Variants in OPCML observed in about 807,000 individuals in gnomAD.
The protein encoded by OPCML is opioid binding protein/cell adhesion molecule like.
OPCML carries 13 observed loss-of-function variants against 37.8 expected under a neutral mutation model. The ratio of observed to expected loss-of-function variants is 0.34; its 90% CI spans 0.22 to 0.55. The LOEUF is 0.55. OPCML is among the 20% of genes least tolerant of loss of function. The pLI is 0.91. For missense variants in OPCML, 341 were observed against 435.6 expected (o/e 0.78, Z 1.93); for synonymous variants, 176 against 168.8 (o/e 1.04, Z -0.33).
chr11:132,525,098 G>T (rs562569382), intron 4 of OPCML, among the ~76,000 whole-genome samples: 1 of 152,164 alleles, frequency 6.6e-6, no homozygotes, highest in Middle Eastern at 3.4e-3. Context: ...GGTAGAGATC[G>T]CATTTCTGTA....
rs369774144 is a variant in OPCML at position 132,437,313 on chromosome 11, G to A, written c.552C>T (p.Asp184=). Residue 184 remains aspartate (D), a synonymous_variant, in exon 5 of 8, where the codon GAC becomes GAT. Transcript: ENST00000524381. The stretch of plus-strand genomic sequence containing the variant: ...ACTCCCCGGACTGGTCTCGCTTGAT[G>A]TCAGAGATCTCCAGGTACTCATCCT... The part of the protein sequence containing the change: ...VSEDEYLEIS[D]IKRDQSGEYE... 12 of 1,614,106 alleles carry A rather than the reference G, an allele frequency of 7.4e-6. No homozygotes were observed. The African/African-American group carries it at 1.3e-4, about 18-fold the overall frequency.
chr11:133,081,008 T>C (rs1480925166), intron 1 of OPCML, among the ~76,000 whole-genome samples: 1 of 152,048 alleles, frequency 6.6e-6, no homozygotes, highest in African/African-American at 2.4e-5. Context: ...TAGCTTTTGG[T>C]GAGAGGACCA....
At chr11:133,457,809 T>C (rs1376216764) in intron 1 of OPCML, among the ~76,000 whole-genome samples, 3 of 151,864 alleles carry the variant, frequency 2.0e-5, no homozygotes, top group Non-Finnish European at 4.4e-5. Context: ...TGCTAACGAG[T>C]ATCCTTTAAG....
intron 1 of OPCML, among the ~76,000 whole-genome samples, chr11:133,451,013 CAT>C (rs1946570776): frequency 1.3e-5 from 2 of 151,712 alleles, no homozygotes; most frequent in African/African-American, 2.4e-5. Flanking sequence ...GTAATCAACA[CAT>C]ATGTTATATA....
chr11:132,947,714 T>C (rs183288035), intron 1 of OPCML, among the ~76,000 whole-genome samples: 169 of 152,338 alleles, frequency 1.1e-3, no homozygotes, highest in African/African-American at 4.0e-3. Flanking sequence ...TTCTAGGAAA[T>C]GCTTGGCTGA....
At chr11:132,778,597 A>G (rs1946886096) in intron 2 of OPCML, among the ~76,000 whole-genome samples, 1 of 152,136 alleles carries the variant, frequency 6.6e-6, no homozygotes, top group Non-Finnish European at 1.5e-5. Context: ...TCTAGTAATT[A>G]TATTCTTGTT....
chr11:132,466,706 G>A (rs2096121214), intron 4 of OPCML, among the ~76,000 whole-genome samples: 1 of 152,110 alleles, frequency 6.6e-6, no homozygotes. Flanking sequence ...GAGTTGTAGG[G>A]TTTGCCTGGA....
At chr11:132,897,506 C>T (rs558215580) in intron 2 of OPCML, among the ~76,000 whole-genome samples, 20 of 152,318 alleles carry the variant, frequency 1.3e-4, no homozygotes, top group African/African-American at 4.8e-4. Context: ...ACTCCTATCA[C>T]ACTGCCTTCT....
chr11:133,288,195 G>T (rs1263221729), intron 1 of OPCML, among the ~76,000 whole-genome samples: 1 of 152,168 alleles, frequency 6.6e-6, no homozygotes, highest in African/African-American at 2.4e-5. Context: ...GCTAAGGCTG[G>T]CATGGAGAGA....
At chr11:132,984,767 A>G (rs962505953) in intron 1 of OPCML, among the ~76,000 whole-genome samples, 1 of 152,202 alleles carries the variant, frequency 6.6e-6, no homozygotes, top group Non-Finnish European at 1.5e-5. Flanking sequence ...GCTTGAAGAC[A>G]CTATCTATTT....
chr11:132,983,211 A>C (rs1424200178), intron 1 of OPCML, among the ~76,000 whole-genome samples: 1 of 152,086 alleles, frequency 6.6e-6, no homozygotes, highest in Non-Finnish European at 1.5e-5. Flanking sequence ...TGGCCCGGTG[A>C]CCTTTCCCAA....
At position 132,505,046 on chromosome 11, in the gene OPCML, C is replaced by T. The variant is rs145099254; in HGVS notation, c.505+24015G>A. Among the ~76,000 whole-genome samples, 729 of 152,110 alleles carry T rather than the reference C, an allele frequency of 4.8e-3. 6 individuals carry two copies. Among genetic ancestry groups the T allele is most frequent in the African/African-American group, 0.016 (674 of 41,488 alleles). On this transcript the variant is annotated intron_variant, in intron 4 of 7. Transcript: ENST00000524381. ...ATCTCAGAGGACAAGAAAAAAAGTA[C>T]CATTTCATAAAGAGAAGTATAACAG...
intron 2 of OPCML, among the ~76,000 whole-genome samples, chr11:132,674,420 T>C (rs1942614288): frequency 6.6e-6 from 1 of 152,194 alleles, no homozygotes; most frequent in Non-Finnish European, 1.5e-5. Flanking sequence ...GGCTGAACTT[T>C]TTGGCAGGGT....
chr11:132,590,794 C>T (rs1333198023), intron 3 of OPCML, among the ~76,000 whole-genome samples: 1 of 152,188 alleles, frequency 6.6e-6, no homozygotes, highest in Non-Finnish European at 1.5e-5. Flanking sequence ...AACACATCAA[C>T]ATCCCTTTGT....
At chr11:132,959,309 A>G (rs1196345402) in intron 1 of OPCML, among the ~76,000 whole-genome samples, 1 of 152,228 alleles carries the variant, frequency 6.6e-6, no homozygotes, top group East Asian at 1.9e-4. Context: ...ATGGATGAGG[A>G]GCTGCTTCTC....
intron 1 of OPCML, among the ~76,000 whole-genome samples, chr11:133,151,880 C>T (rs1949992337): frequency 6.6e-6 from 1 of 152,182 alleles, no homozygotes; most frequent in Admixed American, 6.5e-5. Context: ...AAACCATTAT[C>T]CTTCCATTCA....
intron 1 of OPCML, among the ~76,000 whole-genome samples, chr11:133,363,754 C>G (rs1944474330): frequency 6.6e-6 from 1 of 152,138 alleles, no homozygotes; most frequent in African/African-American, 2.4e-5. Context: ...CCCCAAAGGT[C>G]AGTGGGGCTC....
At chr11:132,790,546 T>G (rs1408598936) in intron 2 of OPCML, among the ~76,000 whole-genome samples, 1 of 152,240 alleles carries the variant, frequency 6.6e-6, no homozygotes, top group Non-Finnish European at 1.5e-5. Context: ...CTGGTTCTCT[T>G]ACTGGTTCCT....
chr11:132,798,062 A>C (rs2136195866), intron 2 of OPCML, among the ~76,000 whole-genome samples: 1 of 152,146 alleles, frequency 6.6e-6, no homozygotes, highest in East Asian at 1.9e-4. Flanking sequence ...TATTAACTAA[A>C]ATTATTTTTA....
Sources: gnomAD v4.1 joint callset for allele counts (sites outside exome capture counted in the v4.1 genomes callset) on GRCh38, gnomAD v4.1.1 for gene constraint, MANE v1.5 for transcripts, NCBI Gene and HGNC (gene_info 2026-07-23, HGNC 2026-07-21) for gene names.